The following ABI1 variants were observed in gnomAD, a reference collection of about 807,000 sequenced individuals.
ABI1 encodes the protein Abelson interactor 1.
In ABI1, 14 loss-of-function variants were observed where a neutral mutation model predicts 54.6. That is an observed-to-expected ratio of 0.26 (90% CI 0.17 to 0.40). ABI1 has a LOEUF of 0.40. ABI1 is among the 10% of genes least tolerant of loss of function. The pLI is 1.00. For missense variants in ABI1, 443 were observed against 598.3 expected (o/e 0.74, Z 2.71); for synonymous variants, 194 against 209.3 (o/e 0.93, Z 0.63).
intron 3 of ABI1, 78 bp downstream of exon 3, chr10:26,776,987 T>C: frequency 8.1e-7 from 1 of 1,241,570 alleles, no homozygotes; most frequent in Non-Finnish European, 1.1e-6. Flanking sequence ...ATTAAAATCA[T>C]CTTTATGACA....
At chr10:26,812,197 G>A (rs79389480) in intron 2 of ABI1, among the ~76,000 whole-genome samples, 1 of 151,998 alleles carries the variant, frequency 6.6e-6, no homozygotes, top group African/African-American at 2.4e-5. Flanking sequence ...CTTGCAAAAA[G>A]CCCCTTCTGC....
rs1006265390 is a variant in ABI1, at chr10:26,833,521, C to G, written c.118-10216G>C. ...TGAAAAACCCCAGCTCTAGAAAGAA[C>G]TACATTTCAACACATAATCTGTTAT... On this transcript the variant is annotated intron_variant, in intron 1 of 10. Transcript: ENST00000376140. Among the ~76,000 whole-genome samples the G allele has an allele frequency of 9.3e-4, 141 of 152,182 alleles. 1 individual carries two copies. Among genetic ancestry groups the G allele is most frequent in the African/African-American group, 3.3e-3 (136 of 41,514 alleles).
At position 26,759,229 on chromosome 10, in the gene ABI1, C is replaced by G. The variant is rs1258175278; in HGVS notation, c.830G>C (p.Gly277Ala). 6.2e-7 allele frequency: 1 copy of G among 1,613,414 alleles called. No individual in the cohort carries two copies. The highest frequency in any genetic ancestry group is 1.1e-5 in the South Asian group (1 of 91,004). ...SPPTIGPAAP[G>A]SAPGSQYGTM... ...GCCATACTGGGAACCAGGAGCTGAG[C>G]CCGGGGCTGCTGAAAAGCATTAGTC... The change falls in exon 8 of 11, where the codon GGC becomes GCC. Residue 277 changes from glycine to alanine, a missense_variant. By Grantham distance (60) the Gly-to-Ala change is moderately conservative. This residue lies in a region of ABI1 where 394 missense variants were observed against 484.8 expected (regional missense o/e 0.81). Coordinates refer to ENST00000376140, the MANE Select transcript of ABI1 (RefSeq NM_001012750.3).
At chr10:26,806,003 G>GA (rs11410312) in intron 2 of ABI1, among the ~76,000 whole-genome samples, 3,085 of 152,214 alleles carry the variant, frequency 0.02, 75 homozygotes, top group African/African-American at 0.065. Context: ...TAATCACCCT[G>GA]AAAAAACCAT....
intron 2 of ABI1, among the ~76,000 whole-genome samples, chr10:26,777,697 C>T (rs1841588704): frequency 6.6e-6 from 1 of 152,032 alleles, no homozygotes; most frequent in Non-Finnish European, 1.5e-5. Context: ...TTGCTTCAAC[C>T]GGGGAGGTCG....
intron 2 of ABI1, among the ~76,000 whole-genome samples, chr10:26,818,158 C>CAAAAAAA (rs397696005): frequency 6.6e-5 from 3 of 45,442 alleles, no homozygotes; most frequent in Non-Finnish European, 8.3e-5. Context: ...GACTCCATCT[C>CAAAAAAA]AAAAAAAAAA....
At chr10:26,840,576 T>TTG (rs1231164334) in intron 1 of ABI1, among the ~76,000 whole-genome samples, 1 of 152,192 alleles carries the variant, frequency 6.6e-6, no homozygotes, top group Non-Finnish European at 1.5e-5. Context: ...AGTATGACAC[T>TTG]ACCTGACAAA....
chr10:26,819,034 G>C (rs2047788273), intron 2 of ABI1, among the ~76,000 whole-genome samples: 1 of 152,148 alleles, frequency 6.6e-6, no homozygotes, highest in South Asian at 2.1e-4. Flanking sequence ...ACAGCCCTAA[G>C]ACAGGAGAGA....
chr10:26,773,407 C>T (rs1840984361), intron 3 of ABI1, among the ~76,000 whole-genome samples: 1 of 151,436 alleles, frequency 6.6e-6, no homozygotes, highest in South Asian at 2.1e-4. Context: ...ACCATGTTGG[C>T]CAGGCTGGTC....
rs749204483 is a variant in ABI1, at chr10:26,765,326, G to GAA, written c.720-10_720-9dup. 1.3e-4 allele frequency: 158 copies of GAA among 1,228,800 alleles called. No individual in the cohort carries two copies. Among genetic ancestry groups the GAA allele is most frequent in the Admixed American group, 6.2e-4 (22 of 35,612 alleles). 76.1% of individuals were successfully genotyped at this position (1,228,800 alleles called of 1,614,324 possible). On this transcript the variant is annotated splice_polypyrimidine_tract_variant and intron_variant, in intron 6 of 10. Transcript: ENST00000376140. ...CTTCCTCCACTACTTCCACTGAAAA[G>GAA]AAAAAAAAAAACTGTGAAAAACCAA...
rs535088026 is a variant in ABI1 at position 26,853,529 on chromosome 10, C to CT, written c.117+7217dup. On this transcript the variant is annotated intron_variant, in intron 1 of 10. Coordinates refer to ENST00000376140, the MANE Select transcript of ABI1 (RefSeq NM_001012750.3). ...AGCATTAACTATCAATTTTACCTTACTTTTTTTTTTTTTTTTTTTTGAGAC... is the reference window on the plus strand; with the variant it reads ...AGCATTAACTATCAATTTTACCTTACTTTTTTTTTTTTTTTTTTTTTGAGAC... Among the ~76,000 whole-genome samples, 636 of 130,816 alleles carry CT rather than the reference C, an allele frequency of 4.9e-3. 8 individuals carry two copies. Among genetic ancestry groups the CT allele is most frequent in the African/African-American group, 7.6e-3 (267 of 34,938 alleles). 85.8% of individuals were successfully genotyped at this position (130,816 alleles called of 152,430 possible). A position where few individuals can be genotyped will look rare whatever the true frequency, so the allele number is the denominator to read the frequency against.
chr10:26,794,538 G>A (rs1236194647), intron 2 of ABI1, among the ~76,000 whole-genome samples: 3 of 151,480 alleles, frequency 2.0e-5, no homozygotes, highest in Non-Finnish European at 4.4e-5. Flanking sequence ...CTAACTGTGT[G>A]CACATGGGTA....
At chr10:26,828,166 T>C (rs764304747) in intron 1 of ABI1, among the ~76,000 whole-genome samples, 14 of 152,178 alleles carry the variant, frequency 9.2e-5, no homozygotes, top group Non-Finnish European at 1.6e-4. Flanking sequence ...TCTCAGGCAA[T>C]AGGGAGGCCC....
intron 1 of ABI1, among the ~76,000 whole-genome samples, chr10:26,853,294 A>G (rs56822359): frequency 0.26 from 35,775 of 135,366 alleles, 5,247 homozygotes; most frequent in South Asian, 0.44. Context: ...ATTTCTCAAC[A>G]ATGCCCTTTT....
intron 1 of ABI1, among the ~76,000 whole-genome samples, chr10:26,855,539 G>A (rs1437100204): frequency 1.3e-5 from 2 of 152,162 alleles, no homozygotes; most frequent in African/African-American, 2.4e-5. Flanking sequence ...GAGTTTGTAA[G>A]GATTAAAGAT....
At chr10:26,839,662 A>ATAAT in intron 1 of ABI1, 1 of 631,840 alleles carries the variant, frequency 1.6e-6, no homozygotes. Flanking sequence ...AAAAAAAAAA[A>ATAAT]AAAACATGCC....
intron 1 of ABI1, among the ~76,000 whole-genome samples, chr10:26,848,072 AC>A (rs1196658709): frequency 6.6e-6 from 1 of 151,840 alleles, no homozygotes; most frequent in Non-Finnish European, 1.5e-5. Flanking sequence ...ACGGTGGCAC[AC>A]CTGTAATTCC....
intron 3 of ABI1, among the ~76,000 whole-genome samples, chr10:26,776,331 C>T (rs1212000979): frequency 6.6e-6 from 1 of 152,172 alleles, no homozygotes; most frequent in Non-Finnish European, 1.5e-5. Flanking sequence ...CCCTTAAAAA[C>T]TTATAAAATA....
intron 7 of ABI1, among the ~76,000 whole-genome samples, chr10:26,760,646 T>C (rs1839001592): frequency 6.6e-6 from 1 of 152,122 alleles, no homozygotes; most frequent in African/African-American, 2.4e-5. Flanking sequence ...TCCCAGCACT[T>C]TGGGAGGCCG....
Sources: gnomAD v4.1 joint callset for allele counts (sites outside exome capture counted in the v4.1 genomes callset) on GRCh38, gnomAD v4.1.1 for gene constraint, gnomAD v4.1.1 regional missense constraint, MANE v1.5 for transcripts, NCBI Gene and HGNC (gene_info 2026-07-23, HGNC 2026-07-21) for gene names.